The following SGCZ variants were observed in gnomAD, a reference collection of about 807,000 sequenced individuals.
The protein encoded by SGCZ is sarcoglycan zeta.
A neutral mutation model predicts 41.3 loss-of-function variants in SGCZ; 40 were observed. That is an observed-to-expected ratio of 0.97 (90% confidence interval 0.75 to 1.26). The LOEUF (loss-of-function observed/expected upper bound fraction) is 1.26. Among genes scored for constraint, SGCZ ranks in the 50% most tolerant of loss-of-function variants. The pLI is 0.00. For synonymous variants in SGCZ, 206 were observed against 137.5 expected (o/e 1.50, Z -3.49); for missense variants, 552 against 369.8 (o/e 1.49, Z -4.04).
chr8:14,120,186 T>TATCA (rs1456551767), intron 5 of SGCZ, among the ~76,000 whole-genome samples: 1 of 152,180 alleles, frequency 6.6e-6, no homozygotes, highest in East Asian at 1.9e-4. Flanking sequence ...CTTTAACATC[T>TATCA]ATCACTGGAA....
intron 1 of SGCZ, among the ~76,000 whole-genome samples, chr8:14,945,668 A>C (rs1055016539): frequency 1.1e-4 from 16 of 151,880 alleles, no homozygotes; most frequent in African/African-American, 3.9e-4. Flanking sequence ...ATCTACAATC[A>C]ATGTGGGCAG....
chr8:14,194,161 A>G (rs543251986), intron 4 of SGCZ, among the ~76,000 whole-genome samples: 2 of 152,044 alleles, frequency 1.3e-5, no homozygotes, highest in African/African-American at 4.8e-5. Context: ...TTGTTAGACA[A>G]CTATGTTAGA....
intron 2 of SGCZ, among the ~76,000 whole-genome samples, chr8:14,338,851 C>T (rs1189627097): frequency 6.6e-6 from 1 of 152,004 alleles, no homozygotes; most frequent in Admixed American, 6.6e-5. Flanking sequence ...CAAGAGTGCT[C>T]ATGTTTTAAG....
chr8:14,231,550 G>C lies in SGCZ; in HGVS notation c.424+6042C>G, dbSNP rs1257851222. On this transcript the variant is annotated intron_variant, in intron 4 of 7. Transcript: ENST00000382080. ...CACACACACCATGTCTTGCAGTTAA[G>C]TCTAGATTTTTTTTTTCTGAATTGA... Among the ~76,000 whole-genome samples, 4 of 148,302 alleles carry C rather than the reference G, an allele frequency of 2.7e-5. No individual in the cohort carries two copies. In the East Asian group the frequency reaches 7.7e-4, roughly 29 times the overall value.
intron 2 of SGCZ, among the ~76,000 whole-genome samples, chr8:14,336,168 T>A (rs1214386051): frequency 6.6e-6 from 1 of 152,128 alleles, no homozygotes; most frequent in Non-Finnish European, 1.5e-5. Context: ...CATATAGTAT[T>A]TGGTTTTCTG....
At chr8:14,634,487 T>C (rs910788849) in intron 1 of SGCZ, among the ~76,000 whole-genome samples, 2 of 151,900 alleles carry the variant, frequency 1.3e-5, no homozygotes, top group Admixed American at 6.6e-5. Context: ...TACCAAGTTA[T>C]TGCAGAAAAA....
intron 1 of SGCZ, among the ~76,000 whole-genome samples, chr8:15,201,933 C>T (rs1428654256): frequency 6.6e-6 from 1 of 152,124 alleles, no homozygotes; most frequent in East Asian, 1.9e-4. Context: ...TTCATTTTCA[C>T]TTACTGTGTT....
chr8:14,526,486 T>C (rs1203617229), intron 2 of SGCZ, among the ~76,000 whole-genome samples: 1 of 152,160 alleles, frequency 6.6e-6, no homozygotes, highest in African/African-American at 2.4e-5. Flanking sequence ...TTTATAACAA[T>C]GTTAAGTTTG....
intron 5 of SGCZ, among the ~76,000 whole-genome samples, chr8:14,142,060 C>A (rs993644510): frequency 6.6e-6 from 1 of 152,120 alleles, no homozygotes; most frequent in Non-Finnish European, 1.5e-5. Flanking sequence ...AGCAAACTAT[C>A]GCAAGGACAG....
chr8:14,674,981 C>T (rs1290425245), intron 1 of SGCZ, among the ~76,000 whole-genome samples: 1 of 117,142 alleles, frequency 8.5e-6, no homozygotes, highest in East Asian at 2.9e-4. Context: ...CTCTGTCGTC[C>T]AGGCTGAAGT....
chr8:14,747,222 C>G (rs1320358204), intron 1 of SGCZ, among the ~76,000 whole-genome samples: 1 of 152,204 alleles, frequency 6.6e-6, no homozygotes, highest in Non-Finnish European at 1.5e-5. Context: ...GACACCTGAC[C>G]ACAGTCAGAG....
intron 1 of SGCZ, among the ~76,000 whole-genome samples, chr8:14,819,672 T>A (rs1387462314): frequency 1.3e-5 from 2 of 152,100 alleles, no homozygotes; most frequent in Admixed American, 1.3e-4. Flanking sequence ...CTCCAAGTAG[T>A]GGCTAAGGAA....
chr8:14,323,710 A>G (rs1802004689), intron 3 of SGCZ, among the ~76,000 whole-genome samples: 1 of 152,134 alleles, frequency 6.6e-6, no homozygotes, highest in African/African-American at 2.4e-5. Context: ...ATGCATGTCT[A>G]TTAATGCTGA....
At chr8:14,693,041 T>A (rs1808848039) in intron 1 of SGCZ, among the ~76,000 whole-genome samples, 1 of 152,138 alleles carries the variant, frequency 6.6e-6, no homozygotes, top group Non-Finnish European at 1.5e-5. Flanking sequence ...CTATAATTAG[T>A]TTCTCTGTTT....
At chr8:14,870,524 G>A (rs1181029827) in intron 1 of SGCZ, among the ~76,000 whole-genome samples, 1 of 152,126 alleles carries the variant, frequency 6.6e-6, no homozygotes, top group Non-Finnish European at 1.5e-5. Context: ...ACATAGGCAT[G>A]AGCAAAGACT....
intron 1 of SGCZ, among the ~76,000 whole-genome samples, chr8:14,720,568 C>A: frequency 6.6e-6 from 1 of 152,040 alleles, no homozygotes; most frequent in African/African-American, 2.4e-5. Flanking sequence ...CTGAGTTATT[C>A]TTATCCTTAT....
intron 1 of SGCZ, among the ~76,000 whole-genome samples, chr8:14,979,131 A>G (rs1344597936): frequency 1.3e-5 from 2 of 152,212 alleles, no homozygotes; most frequent in Non-Finnish European, 2.9e-5. Context: ...GGCAAGGCAT[A>G]TATGAAAAAC....
chr8:14,260,473 AT>A (rs1799618935), intron 3 of SGCZ, among the ~76,000 whole-genome samples: 1 of 146,822 alleles, frequency 6.8e-6, no homozygotes, highest in Non-Finnish European at 1.5e-5. Flanking sequence ...ATGTGGAGAA[AT>A]AGGAACACTT....
chr8:15,217,798 T>A (rs1443932871), intron 1 of SGCZ, among the ~76,000 whole-genome samples: 1 of 152,234 alleles, frequency 6.6e-6, no homozygotes, highest in East Asian at 1.9e-4. Context: ...CTTAAGAAAC[T>A]AGGGCTCTGG....
Sources: gnomAD v4.1 joint callset for allele counts (sites outside exome capture counted in the v4.1 genomes callset) on GRCh38, gnomAD v4.1.1 for gene constraint, MANE v1.5 for transcripts, NCBI Gene and HGNC (gene_info 2026-07-23, HGNC 2026-07-21) for gene names.